PPP1R12B: variants seen among roughly 807,000 people sequenced by gnomAD.
The protein encoded by PPP1R12B is protein phosphatase 1 regulatory subunit 12B, also known as myosin phosphatase target subunit 2.
In PPP1R12B, 76 loss-of-function variants were observed where a neutral mutation model predicts 126.1. That is an observed-to-expected ratio of 0.60 (90% CI 0.50 to 0.73). The LOEUF is 0.73. Ranked by LOEUF, PPP1R12B falls within the 30% of genes least tolerant of loss-of-function variation. The probability of loss-of-function intolerance (pLI) is 0.00; values close to 1 mark genes in which losing one functional copy is unlikely to be tolerated. For synonymous variants in PPP1R12B, 356 were observed against 434.7 expected, an observed-to-expected ratio of 0.82 and a Z score of 2.25; for missense variants, 1,052 against 1,205.1, an observed-to-expected ratio of 0.87 and a Z score of 1.88.
intron 18 of PPP1R12B, among the ~76,000 whole-genome samples, chr1:202,529,193 A>G (rs1187313008): frequency 6.6e-6 from 1 of 152,134 alleles, no homozygotes; most frequent in East Asian, 1.9e-4. Context: ...AAATGAATAA[A>G]CATTTACATT....
intron 2 of PPP1R12B, among the ~76,000 whole-genome samples, chr1:202,420,085 A>C (rs547916285): frequency 6.6e-6 from 1 of 152,230 alleles, no homozygotes; most frequent in African/African-American, 2.4e-5. Context: ...ATCTATAGCT[A>C]TCTGCTTAGG....
chr1:202,531,810 C>G (rs1401148150), intron 18 of PPP1R12B, among the ~76,000 whole-genome samples: 1 of 152,138 alleles, frequency 6.6e-6, no homozygotes, highest in Non-Finnish European at 1.5e-5. Flanking sequence ...TAATTTCCAC[C>G]TAACTGTTGA....
At chr1:202,567,696 G>A in intron 21 of PPP1R12B, 82 bp from the exon 22 acceptor site, 2 of 1,434,742 alleles carry the variant, frequency 1.4e-6, no homozygotes, top group South Asian at 1.2e-5. Flanking sequence ...TAGATGTCTA[G>A]TAGTGAAGCT....
intron 18 of PPP1R12B, among the ~76,000 whole-genome samples, chr1:202,500,685 A>G (rs918304642): frequency 6.6e-6 from 1 of 152,182 alleles, no homozygotes; most frequent in African/African-American, 2.4e-5. Context: ...ATAGTTAATG[A>G]TAATTTATTG....
intron 1 of PPP1R12B, among the ~76,000 whole-genome samples, chr1:202,385,131 G>A (rs575210657): frequency 6.6e-5 from 10 of 152,288 alleles, no homozygotes; most frequent in African/African-American, 2.2e-4. Context: ...TATATTTGGG[G>A]TTTGTGCATG....
In PPP1R12B at chr1:202,584,828, C is replaced by T. The variant is rs1376207065; in HGVS notation, c.*4268C>T. On this transcript the variant is annotated 3_prime_UTR_variant, in exon 24 of 24. Coordinates refer to ENST00000608999, the MANE Select transcript of PPP1R12B (RefSeq NM_002481.4). Reference sequence around the variant, plus strand: ...GGGAAATTCTACTCTACCAGATGAGCCACTGGTTCCACTGGAGCTTATCAG... The same window carrying T: ...GGGAAATTCTACTCTACCAGATGAGTCACTGGTTCCACTGGAGCTTATCAG... 1.3e-5 allele frequency: 2 copies of T among 152,184 alleles called. No individual in the cohort carries two copies. The highest frequency in any genetic ancestry group is 4.8e-5 in the African/African-American group (2 of 41,444). 9.4% of individuals were successfully genotyped at this position (152,184 alleles called of 1,614,324 possible).
intron 1 of PPP1R12B, among the ~76,000 whole-genome samples, chr1:202,369,277 A>G (rs1659807723): frequency 6.6e-6 from 1 of 152,220 alleles, no homozygotes; most frequent in African/African-American, 2.4e-5. Context: ...CATCTTTGTG[A>G]AAAGTTGAAC....
chr1:202,456,855 G>C, intron 13 of PPP1R12B, among the ~76,000 whole-genome samples: 1 of 152,154 alleles, frequency 6.6e-6, no homozygotes, highest in East Asian at 1.9e-4. Context: ...CTGCAATCCA[G>C]AGTAAAAGAC....
chr1:202,361,368 G>A (rs1272451561), intron 1 of PPP1R12B, among the ~76,000 whole-genome samples: 1 of 152,350 alleles, frequency 6.6e-6, no homozygotes, highest in Non-Finnish European at 1.5e-5. Context: ...GAAGCTTACA[G>A]TCATGCAAAA....
At chr1:202,578,507 G>A (rs536686522) in intron 23 of PPP1R12B, among the ~76,000 whole-genome samples, 7 of 152,384 alleles carry the variant, frequency 4.6e-5, no homozygotes, top group East Asian at 1.9e-4. Flanking sequence ...ATAGAGGAAC[G>A]AAGGAGAGGG....
At chr1:202,504,739 C>T (rs1680630701) in intron 18 of PPP1R12B, among the ~76,000 whole-genome samples, 1 of 152,166 alleles carries the variant, frequency 6.6e-6, no homozygotes, top group Admixed American at 6.5e-5. Flanking sequence ...TAAGAGGACA[C>T]ACCCAGGAGC....
At chr1:202,368,203 T>G (rs1435011051) in intron 1 of PPP1R12B, among the ~76,000 whole-genome samples, 2 of 152,098 alleles carry the variant, frequency 1.3e-5, no homozygotes, top group African/African-American at 4.8e-5. Context: ...ACTCCTGACC[T>G]CAGGTGATCT....
chr1:202,503,343 AG>A (rs1558308780), intron 18 of PPP1R12B, among the ~76,000 whole-genome samples: 1 of 152,238 alleles, frequency 6.6e-6, no homozygotes, highest in Non-Finnish European at 1.5e-5. Context: ...AGAATACTAC[AG>A]GAAGAATACA....
chr1:202,378,872 C>A (rs1368052207), intron 1 of PPP1R12B, among the ~76,000 whole-genome samples: 1 of 152,180 alleles, frequency 6.6e-6, no homozygotes, highest in African/African-American at 2.4e-5. Flanking sequence ...GCTTCCAAAA[C>A]AATGCTTTTT....
At chr1:202,501,884 C>T (rs1267859913) in intron 18 of PPP1R12B, 2 of 984,730 alleles carry the variant, frequency 2.0e-6, no homozygotes, top group Non-Finnish European at 2.4e-6. Flanking sequence ...AATTGACTTG[C>T]TAGTAGCATC....
rs117994973 is a variant in PPP1R12B at position 202,459,828 on chromosome 1, A to G, written c.1850+10657A>G. 1.1e-3 allele frequency among the ~76,000 whole-genome samples: 162 copies of G among 152,324 alleles called. 4 individuals carry two copies. In the East Asian group the frequency reaches 0.028, roughly 27 times the overall value. The stretch of plus-strand genomic sequence containing the variant: ...CACAGCTCAGAATGCAACAGTCTCT[A>G]TCTTTAGGGCTTTCTGATAACTGCC... On this transcript the variant is annotated intron_variant, in intron 13 of 23. Coordinates refer to ENST00000608999, the MANE Select transcript of PPP1R12B (RefSeq NM_002481.4).
At chr1:202,521,343 C>T (rs1682767107) in intron 18 of PPP1R12B, among the ~76,000 whole-genome samples, 1 of 151,908 alleles carries the variant, frequency 6.6e-6, no homozygotes, top group Non-Finnish European at 1.5e-5. Context: ...CCCAGTAAAA[C>T]CTAAGATCAT....
chr1:202,567,333 G>T lies in PPP1R12B; in HGVS notation c.2758-445G>T, dbSNP rs1034890092. 3 of 157,442 alleles carry T rather than the reference G, an allele frequency of 1.9e-5. No homozygotes were observed. In the South Asian group the frequency reaches 5.5e-4, roughly 29 times the overall value. 9.8% of individuals were successfully genotyped at this position (157,442 alleles called of 1,614,324 possible). A position where few individuals can be genotyped will look rare whatever the true frequency, so the allele number is the denominator to read the frequency against. On this transcript the variant is annotated intron_variant, in intron 21 of 23. Coordinates refer to ENST00000608999, the MANE Select transcript of PPP1R12B (RefSeq NM_002481.4). ...GGGATTATTTAGACAAGTGCCATTG[G>T]CCTTAGACATTCTCGCTCAGGAGTT...
intron 1 of PPP1R12B, among the ~76,000 whole-genome samples, chr1:202,355,151 C>T (rs530376928): frequency 4.0e-5 from 6 of 151,556 alleles, no homozygotes; most frequent in East Asian, 2.0e-4. Flanking sequence ...GTAATCCACC[C>T]GCCTCAGCCT....
Sources: allele counts gnomAD v4.1 joint callset (sites outside exome capture counted in the v4.1 genomes callset), GRCh38; gene constraint gnomAD v4.1.1; transcripts MANE v1.5; gene names NCBI Gene and HGNC (gene_info 2026-07-23, HGNC 2026-07-21).